Variants in MEMO1 observed in about 807,000 individuals in gnomAD.
MEMO1 encodes protein MEMO1.
A neutral mutation model predicts 45.2 loss-of-function variants in MEMO1; 6 were observed. The observed-to-expected ratio is 0.13, with a 90% CI of 0.07 to 0.26. The LOEUF (loss-of-function observed/expected upper bound fraction) is 0.26. MEMO1 is among the 10% of genes least tolerant of loss of function. The pLI, the probability that MEMO1 is intolerant of heterozygous loss-of-function variation, is 1.00. For synonymous variants in MEMO1, 78 were observed against 124.3 expected (o/e 0.63, Z 2.48); for missense variants, 184 against 370.5 (o/e 0.50, Z 4.13).
At chr2:31,929,610 A>G (rs959130840) in intron 4 of MEMO1, among the ~76,000 whole-genome samples, 2 of 152,224 alleles carry the variant, frequency 1.3e-5, no homozygotes, top group Non-Finnish European at 2.9e-5. Flanking sequence ...CAATTTTGGA[A>G]TAATTTTTAC....
At chr2:31,933,346 A>ATATAT (rs869211483) in intron 3 of MEMO1, among the ~76,000 whole-genome samples, 4 of 25,504 alleles carry the variant, frequency 1.6e-4, no homozygotes, top group African/African-American at 4.8e-4. Context: ...AAAAAAAAAA[A>ATATAT]AAATTTATAT....
chr2:31,963,777 G>A (rs1668295285), intron 2 of MEMO1, among the ~76,000 whole-genome samples: 1 of 152,074 alleles, frequency 6.6e-6, no homozygotes, highest in African/African-American at 2.4e-5. Flanking sequence ...CAAAAAGCCT[G>A]ACTGATCAGT....
intron 2 of MEMO1, among the ~76,000 whole-genome samples, chr2:32,006,964 C>CAAAAAAAAA (rs67557055): frequency 2.6e-5 from 2 of 75,964 alleles, no homozygotes; most frequent in East Asian, 4.0e-4. Flanking sequence ...GATTCCATCT[C>CAAAAAAAAA]AAAAAAAAAA....
chr2:31,966,879 T>C (rs1253017388), intron 2 of MEMO1, among the ~76,000 whole-genome samples: 1 of 152,192 alleles, frequency 6.6e-6, no homozygotes, highest in African/African-American at 2.4e-5. Flanking sequence ...TTCTGGGATG[T>C]CAAATTACGA....
At chr2:31,909,339 T>C (rs567222218) in intron 6 of MEMO1, among the ~76,000 whole-genome samples, 10 of 152,312 alleles carry the variant, frequency 6.6e-5, no homozygotes, top group African/African-American at 2.4e-4. Flanking sequence ...GCAGGTGACA[T>C]GGTCTTATAT....
At chr2:31,869,376 A>C (rs1465899369) in intron 9 of MEMO1, among the ~76,000 whole-genome samples, 1 of 152,152 alleles carries the variant, frequency 6.6e-6, no homozygotes, top group Non-Finnish European at 1.5e-5. Context: ...GACTCTTACC[A>C]TTCCTTAACT....
intron 2 of MEMO1, among the ~76,000 whole-genome samples, chr2:32,009,959 G>A (rs1223394766): frequency 2.0e-5 from 3 of 151,384 alleles, no homozygotes; most frequent in Non-Finnish European, 4.4e-5. Context: ...CGGAGAGCGT[G>A]AGGCCGGCCG....
chr2:31,891,371 C>G, intron 7 of MEMO1, among the ~76,000 whole-genome samples: 1 of 152,244 alleles, frequency 6.6e-6, no homozygotes, highest in East Asian at 1.9e-4. Context: ...CAGCTCACTT[C>G]TCTTACAACG....
chr2:31,981,911 G>A lies in MEMO1; in HGVS notation c.61+28276C>T, dbSNP rs570370058. ...TCATAAATAATGAACTTTAATGTAT[G>A]CAAGTTAACCAAACAAAAAAATTTA... On this transcript the variant is annotated intron_variant, in intron 2 of 9. Transcript: ENST00000404530. Among the ~76,000 whole-genome samples the A allele has an allele frequency of 1.2e-4, 19 of 152,240 alleles. No homozygotes were observed. In the South Asian group the frequency reaches 3.9e-3, roughly 32 times the overall value.
chr2:31,925,400 C>T (rs1057285044), intron 4 of MEMO1, among the ~76,000 whole-genome samples: 1 of 140,766 alleles, frequency 7.1e-6, no homozygotes, highest in South Asian at 2.2e-4. Context: ...CGTTTGAACC[C>T]GGGAGGCAGA....
chr2:31,996,253 G>C (rs1235846550), intron 2 of MEMO1, among the ~76,000 whole-genome samples: 1 of 151,460 alleles, frequency 6.6e-6, no homozygotes, highest in Non-Finnish European at 1.5e-5. Context: ...AATGAATCAA[G>C]AAAACTAAAA....
chr2:31,962,504 AC>A (rs1668124169), intron 2 of MEMO1, among the ~76,000 whole-genome samples: 1 of 152,210 alleles, frequency 6.6e-6, no homozygotes, highest in Non-Finnish European at 1.5e-5. Context: ...TCTCTCAAGT[AC>A]TTTATCAGAA....
intron 4 of MEMO1, among the ~76,000 whole-genome samples, chr2:31,931,255 G>A (rs1408309907): frequency 1.3e-5 from 2 of 151,940 alleles, no homozygotes; most frequent in African/African-American, 2.4e-5. Flanking sequence ...AAGGCAAGTG[G>A]TCTGTGCATG....
At chr2:31,986,526 T>G (rs1671284294) in intron 2 of MEMO1, among the ~76,000 whole-genome samples, 1 of 152,212 alleles carries the variant, frequency 6.6e-6, no homozygotes, top group African/African-American at 2.4e-5. Flanking sequence ...ATTTATTGTG[T>G]AACCAAAATA....
chr2:31,941,804 G>A (rs1451062304), intron 3 of MEMO1, among the ~76,000 whole-genome samples: 1 of 152,194 alleles, frequency 6.6e-6, no homozygotes, highest in African/African-American at 2.4e-5. Flanking sequence ...CCCATTAAAT[G>A]AGATCAAGTT....
At chr2:31,986,333 G>C (rs542493343) in intron 2 of MEMO1, among the ~76,000 whole-genome samples, 1 of 151,960 alleles carries the variant, frequency 6.6e-6, no homozygotes, top group East Asian at 1.9e-4. Flanking sequence ...TTAACCAGGC[G>C]TGGTGGCGGG....
At chr2:31,950,391 CA>C (rs748769050) in intron 2 of MEMO1, among the ~76,000 whole-genome samples, 4 of 139,064 alleles carry the variant, frequency 2.9e-5, no homozygotes, top group African/African-American at 5.3e-5. Context: ...AAAAAAAAAA[CA>C]AAAAAAAACC....
chr2:31,938,691 A>G (rs970253165), intron 3 of MEMO1, among the ~76,000 whole-genome samples: 2 of 152,068 alleles, frequency 1.3e-5, no homozygotes, highest in African/African-American at 4.8e-5. Flanking sequence ...AGCAAGTACT[A>G]GAGAGCTAAC....
At chr2:31,980,229 G>A (rs908443320) in intron 2 of MEMO1, among the ~76,000 whole-genome samples, 2 of 152,048 alleles carry the variant, frequency 1.3e-5, no homozygotes, top group African/African-American at 4.8e-5. Context: ...GCCATGAGCT[G>A]GAGACCAGCC....
Sources: gnomAD v4.1 joint callset for allele counts (sites outside exome capture counted in the v4.1 genomes callset) on GRCh38, gnomAD v4.1.1 for gene constraint, MANE v1.5 for transcripts, NCBI Gene and HGNC (gene_info 2026-07-23, HGNC 2026-07-21) for gene names.